CNTNAP2: variants seen among roughly 807,000 people sequenced by gnomAD.
CNTNAP2 encodes contactin-associated protein-like 2.
Under a neutral mutation model 155.2 loss-of-function variants are expected in CNTNAP2, and 98 were observed. The ratio of observed to expected loss-of-function variants is 0.63; its 90% CI spans 0.54 to 0.75. The LOEUF is 0.75. Among genes scored for constraint, CNTNAP2 ranks in the 30% least tolerant of loss-of-function variants. The pLI, the probability that CNTNAP2 is intolerant of heterozygous loss-of-function variation, is 0.00. For synonymous variants in CNTNAP2, 651 were observed against 631.2 expected (o/e 1.03, Z -0.47); for missense variants, 1,727 against 1,688.1 (o/e 1.02, Z -0.40).
chr7:147,196,066 T>A (rs1802793459), intron 8 of CNTNAP2, among the ~76,000 whole-genome samples: 1 of 152,088 alleles, frequency 6.6e-6, no homozygotes, highest in Admixed American at 6.5e-5. Flanking sequence ...CACAGACCCA[T>A]ACAGATGAAA....
At chr7:146,516,868 C>T (rs191916459) in intron 1 of CNTNAP2, among the ~76,000 whole-genome samples, 21 of 152,080 alleles carry the variant, frequency 1.4e-4, no homozygotes, top group African/African-American at 4.3e-4. Context: ...AACTCCTTCG[C>T]AAAATCTTTC....
intron 1 of CNTNAP2, among the ~76,000 whole-genome samples, chr7:146,487,665 T>C (rs2129130376): frequency 6.6e-6 from 1 of 152,322 alleles, no homozygotes; most frequent in South Asian, 2.1e-4. Context: ...ATTCAGAATA[T>C]ATGATTGCCA....
chr7:146,791,086 C>G (rs1267741714), intron 2 of CNTNAP2, among the ~76,000 whole-genome samples: 1 of 151,190 alleles, frequency 6.6e-6, no homozygotes, highest in Non-Finnish European at 1.5e-5. Flanking sequence ...TACCCCCTGA[C>G]AGGCCCCAGT....
At chr7:147,630,526 A>G (rs1368397020) in intron 12 of CNTNAP2, among the ~76,000 whole-genome samples, 1 of 152,134 alleles carries the variant, frequency 6.6e-6, no homozygotes. Context: ...ACAGAAAAGG[A>G]AAACTACAGA....
intron 1 of CNTNAP2, among the ~76,000 whole-genome samples, chr7:146,246,220 T>A (rs141036524): frequency 5.3e-5 from 8 of 150,710 alleles, no homozygotes; most frequent in Non-Finnish European, 1.0e-4. Flanking sequence ...AAGTATCTTA[T>A]ACTTGTGGGT....
chr7:146,526,716 A>T (rs1454888390), intron 1 of CNTNAP2, among the ~76,000 whole-genome samples: 1 of 152,144 alleles, frequency 6.6e-6, no homozygotes, highest in African/African-American at 2.4e-5. Flanking sequence ...CAATTGTTTG[A>T]TCTGATAAAT....
intron 8 of CNTNAP2, among the ~76,000 whole-genome samples, chr7:147,208,545 G>A (rs1339284401): frequency 2.0e-5 from 3 of 151,898 alleles, no homozygotes; most frequent in Non-Finnish European, 2.9e-5. Context: ...TGTCCCCTAT[G>A]ACTATCTGAA....
intron 3 of CNTNAP2, among the ~76,000 whole-genome samples, chr7:146,928,360 T>C (rs753037968): frequency 4.6e-5 from 7 of 152,196 alleles, no homozygotes; most frequent in Non-Finnish European, 4.4e-5. Context: ...TATGGATATG[T>C]TTCCATGGCA....
At chr7:146,488,776 G>A (rs1262106444) in intron 1 of CNTNAP2, among the ~76,000 whole-genome samples, 1 of 152,032 alleles carries the variant, frequency 6.6e-6, no homozygotes, top group Non-Finnish European at 1.5e-5. Flanking sequence ...TTTCAGGCAC[G>A]TGCCACCACG....
chr7:147,897,138 G>A (rs897250356), intron 13 of CNTNAP2: 4 of 152,160 alleles, frequency 2.6e-5, no homozygotes, highest in African/African-American at 9.7e-5. Flanking sequence ...GTCTCATTCT[G>A]AAGGTAAAGC....
intron 8 of CNTNAP2, among the ~76,000 whole-genome samples, chr7:147,208,789 T>C (rs981523220): frequency 2.0e-5 from 3 of 152,016 alleles, no homozygotes; most frequent in Non-Finnish European, 4.4e-5. Flanking sequence ...AATTTGATTA[T>C]AAGAATATTA....
intron 21 of CNTNAP2, among the ~76,000 whole-genome samples, chr7:148,351,481 A>G (rs2906921): frequency 0.98 from 149,224 of 151,926 alleles, 73,328 homozygotes; most frequent in East Asian, 1. Context: ...ACAGTGGCTC[A>G]TCCCTGTAAT....
At chr7:147,444,635 G>C (rs1399932215) in intron 10 of CNTNAP2, among the ~76,000 whole-genome samples, 1 of 151,316 alleles carries the variant, frequency 6.6e-6, no homozygotes, top group Non-Finnish European at 1.5e-5. Flanking sequence ...CTCTGAAGGG[G>C]TTGCTCTGCA....
intron 3 of CNTNAP2, among the ~76,000 whole-genome samples, chr7:146,890,953 G>A (rs568401945): frequency 1.3e-5 from 2 of 152,246 alleles, no homozygotes; most frequent in Admixed American, 1.3e-4. Flanking sequence ...GCTTATCACA[G>A]CACTATCACA....
At chr7:146,480,674 A>AT (rs760942394) in intron 1 of CNTNAP2, among the ~76,000 whole-genome samples, 5 of 137,460 alleles carry the variant, frequency 3.6e-5, no homozygotes, top group African/African-American at 8.2e-5. Context: ...ATATATATAT[A>AT]TTTTTTTTTT....
At chr7:147,650,185 A>G (rs1252744706) in intron 13 of CNTNAP2, among the ~76,000 whole-genome samples, 1 of 152,200 alleles carries the variant, frequency 6.6e-6, no homozygotes, top group African/African-American at 2.4e-5. Context: ...ATTATTTTTG[A>G]AAATACCTCC....
chr7:147,444,269 C>T lies in CNTNAP2; in HGVS notation c.1671-41666C>T, dbSNP rs1383053809. Among the ~76,000 whole-genome samples, 5 of 152,132 alleles carry T rather than the reference C, an allele frequency of 3.3e-5. No individual in the cohort carries two copies. The East Asian group carries it at 7.7e-4, about 23-fold the overall frequency. ...AACTGTGTAACAACTGGCCAAAGCC[C>T]GTGGCAATTTGAGAACACAAGAGAT... On this transcript the variant is annotated intron_variant, in intron 10 of 23. Transcript: ENST00000361727.
chr7:146,582,920 T>G (rs1340996045), intron 1 of CNTNAP2, among the ~76,000 whole-genome samples: 1 of 148,610 alleles, frequency 6.7e-6, no homozygotes, highest in African/African-American at 2.4e-5. Context: ...AGTATAAATA[T>G]TAAATATAGC....
intron 3 of CNTNAP2, among the ~76,000 whole-genome samples, chr7:146,933,201 C>G (rs1796820322): frequency 6.6e-6 from 1 of 151,804 alleles, no homozygotes; most frequent in East Asian, 1.9e-4. Context: ...TATAAGGCTA[C>G]AGTAACCAAA....
Sources: allele counts gnomAD v4.1 joint callset (sites outside exome capture counted in the v4.1 genomes callset), GRCh38; gene constraint gnomAD v4.1.1; transcripts MANE v1.5; gene names NCBI Gene and HGNC (gene_info 2026-07-23, HGNC 2026-07-21).